Variants in PHF21A observed in about 807,000 individuals in gnomAD.
The protein encoded by PHF21A is BHC80a.
In PHF21A, 11 loss-of-function variants were observed where a neutral mutation model predicts 82.5. The observed-to-expected ratio is 0.13, with a 90% CI of 0.08 to 0.22. The LOEUF is 0.22. PHF21A is among the 10% of genes least tolerant of loss of function. PHF21A has a pLI of 1.00. For missense variants in PHF21A, 579 were observed against 837.8 expected, an observed-to-expected ratio of 0.69 and a Z score of 3.81; for synonymous variants, 297 against 302.8, an observed-to-expected ratio of 0.98 and a Z score of 0.20.
At chr11:45,983,116 A>G (rs1331538868) in intron 6 of PHF21A, among the ~76,000 whole-genome samples, 1 of 152,132 alleles carries the variant, frequency 6.6e-6, no homozygotes, top group Admixed American at 6.5e-5. Flanking sequence ...CTCTTCAGCC[A>G]TATGGCTAGA....
At chr11:46,072,015 A>G (rs1019951576) in intron 6 of PHF21A, among the ~76,000 whole-genome samples, 1 of 152,206 alleles carries the variant, frequency 6.6e-6, no homozygotes, top group Non-Finnish European at 1.5e-5. Flanking sequence ...TATGTTAAAT[A>G]TTATACTAAA....
chr11:46,077,421 G>A (rs1013864690), intron 5 of PHF21A, among the ~76,000 whole-genome samples: 1 of 152,218 alleles, frequency 6.6e-6, no homozygotes, highest in African/African-American at 2.4e-5. Context: ...TATTTTAGAT[G>A]AGATACACAG....
chr11:46,104,026 T>C (rs934508520), intron 1 of PHF21A, among the ~76,000 whole-genome samples: 121 of 152,276 alleles, frequency 7.9e-4, no homozygotes, highest in African/African-American at 2.9e-3. Context: ...AGGCTCAACA[T>C]AGGTAGCTTA....
intron 6 of PHF21A, among the ~76,000 whole-genome samples, chr11:46,072,605 C>A (rs2096668331): frequency 6.6e-6 from 1 of 152,146 alleles, no homozygotes; most frequent in Admixed American, 6.5e-5. Flanking sequence ...CAGTCATTCA[C>A]AACTGAATGT....
chr11:46,028,502 C>T (rs1027350211), intron 6 of PHF21A, among the ~76,000 whole-genome samples: 20 of 151,172 alleles, frequency 1.3e-4, no homozygotes, highest in African/African-American at 4.6e-4. Flanking sequence ...CTAAGACTTC[C>T]TGATTCTGTT....
chr11:46,074,333 T>C (rs1473076174), intron 6 of PHF21A, among the ~76,000 whole-genome samples: 3 of 152,104 alleles, frequency 2.0e-5, no homozygotes, highest in Non-Finnish European at 2.9e-5. Context: ...TATTTTAAAT[T>C]TTTCTAACAA....
intron 6 of PHF21A, among the ~76,000 whole-genome samples, chr11:46,043,423 G>A (rs953230): frequency 0.53 from 81,218 of 151,916 alleles, 25,327 homozygotes; most frequent in Non-Finnish European, 0.71. Context: ...ATCCTTTCTG[G>A]TTAACATACT....
intron 8 of PHF21A, chr11:45,970,174 T>C (rs2136054448): frequency 2.8e-6 from 1 of 354,422 alleles, no homozygotes; most frequent in Non-Finnish European, 5.2e-6. Flanking sequence ...ACAATTTTCT[T>C]TGACACTCAA....
At chr11:46,049,464 C>T (rs1260163884) in intron 6 of PHF21A, 1 of 456,080 alleles carries the variant, frequency 2.2e-6, no homozygotes, top group Non-Finnish European at 4.4e-6. Flanking sequence ...CATCTGCAAG[C>T]CAAATAGAAC....
chr11:46,105,615 TA>T (rs202073249), intron 1 of PHF21A, among the ~76,000 whole-genome samples: 87 of 149,638 alleles, frequency 5.8e-4, no homozygotes, highest in Admixed American at 8.6e-4. Flanking sequence ...CCAAACACCA[TA>T]AAAAAAAACA....
At chr11:45,982,012 G>A (rs1430504206) in intron 6 of PHF21A, among the ~76,000 whole-genome samples, 3 of 146,080 alleles carry the variant, frequency 2.1e-5, no homozygotes, top group African/African-American at 5.0e-5. Context: ...GCTGGAGTGC[G>A]GCAGCACAAT....
At chr11:46,008,589 G>A (rs1242303013) in intron 6 of PHF21A, among the ~76,000 whole-genome samples, 1 of 152,182 alleles carries the variant, frequency 6.6e-6, no homozygotes, top group Non-Finnish European at 1.5e-5. Context: ...AGCAAAGGAA[G>A]AGAAATGGCA....
chr11:46,076,714 CACA>C lies in PHF21A; in HGVS notation c.153+37_153+39del, dbSNP rs755013485. Reference sequence around the variant, plus strand: ...GCCTCGAGCAGACATATCTTTAGAACACAACGTTAAAAATATGCCCCCCTCCCC... The same window carrying C: ...GCCTCGAGCAGACATATCTTTAGAACACGTTAAAAATATGCCCCCCTCCCC... On this transcript the variant is annotated intron_variant, in intron 6 of 18. Transcript: ENST00000676320. The C allele has an allele frequency of 2.0e-6, 3 of 1,524,778 alleles. No individual in the cohort carries two copies. In the Admixed American group the frequency reaches 5.0e-5, roughly 26 times the overall value. 94.5% of individuals were successfully genotyped at this position (1,524,778 alleles called of 1,614,324 possible). A position where few individuals can be genotyped will look rare whatever the true frequency, so the allele number is the denominator to read the frequency against.
At chr11:46,046,127 T>C (rs1254850252) in intron 6 of PHF21A, among the ~76,000 whole-genome samples, 1 of 152,162 alleles carries the variant, frequency 6.6e-6, no homozygotes, top group Non-Finnish European at 1.5e-5. Flanking sequence ...ACTCCATCTT[T>C]TGCTATTTTC....
intron 6 of PHF21A, among the ~76,000 whole-genome samples, chr11:46,067,713 A>G (rs938968378): frequency 6.6e-6 from 1 of 152,202 alleles, no homozygotes; most frequent in African/African-American, 2.4e-5. Flanking sequence ...TAATGAATTA[A>G]TAACATTCAA....
chr11:45,972,641 C>T (rs1435028088), intron 7 of PHF21A, among the ~76,000 whole-genome samples: 5 of 152,088 alleles, frequency 3.3e-5, no homozygotes, highest in Admixed American at 6.5e-5. Context: ...AGACCAGGTG[C>T]GGTGGCTCGT....
chr11:46,065,431 A>G lies in PHF21A; in HGVS notation c.153+11323T>C, dbSNP rs569377852. ...CATGACAACAGCAGTGGTTGCCGACATGCTGAGCATGGCAGTGCTGAAAGA... is the reference window on the plus strand; with the variant it reads ...CATGACAACAGCAGTGGTTGCCGACGTGCTGAGCATGGCAGTGCTGAAAGA... On this transcript the variant is annotated intron_variant, in intron 6 of 18. Transcript: ENST00000676320. 7.9e-5 allele frequency among the ~76,000 whole-genome samples: 12 copies of G among 152,384 alleles called. 1 individual carries two copies. The South Asian group carries it at 2.3e-3, about 29-fold the overall frequency.
At chr11:46,046,764 C>A (rs1300316139) in intron 6 of PHF21A, among the ~76,000 whole-genome samples, 1 of 152,104 alleles carries the variant, frequency 6.6e-6, no homozygotes, top group Non-Finnish European at 1.5e-5. Context: ...TAAAACCCAA[C>A]AACATAGAAG....
At chr11:45,966,309 A>C (rs1459736374) in intron 9 of PHF21A, among the ~76,000 whole-genome samples, 1 of 152,130 alleles carries the variant, frequency 6.6e-6, no homozygotes, top group Non-Finnish European at 1.5e-5. Flanking sequence ...TTCTTCTTCC[A>C]ATCTTCTCTT....
Sources: allele counts gnomAD v4.1 joint callset (sites outside exome capture counted in the v4.1 genomes callset), GRCh38; gene constraint gnomAD v4.1.1; transcripts MANE v1.5; gene names NCBI Gene and HGNC (gene_info 2026-07-23, HGNC 2026-07-21).